The following CEP57L1 variants were observed in gnomAD, a reference collection of about 807,000 sequenced individuals.
The protein encoded by CEP57L1 is centrosomal protein CEP57L1.
A neutral mutation model predicts 61.0 loss-of-function variants in CEP57L1; 37 were observed. The observed-to-expected ratio is 0.61, with a 90% confidence interval of 0.47 to 0.80. The LOEUF (loss-of-function observed/expected upper bound fraction) is 0.80. Among genes scored for constraint, CEP57L1 ranks in the 30% least tolerant of loss-of-function variants. The pLI, the probability that CEP57L1 is intolerant of heterozygous loss-of-function variation, is 0.00. For missense variants in CEP57L1, 422 were observed against 524.7 expected (o/e 0.80, Z 1.91); for synonymous variants, 137 against 162.3 (o/e 0.84, Z 1.19).
At position 109,157,840 on chromosome 6, in the gene CEP57L1, A is replaced by G. The variant is rs370639821; in HGVS notation, c.745-1185A>G. ...ACTGACAGCAGTAGGAGAGTTTTAC[A>G]AGAGAGAAATCAGATGTGTAGATTT... is the stretch of plus-strand genomic sequence containing the variant. On this transcript the variant is annotated intron_variant, in intron 7 of 10. Coordinates refer to ENST00000517392, the MANE Select transcript of CEP57L1 (RefSeq NM_001271852.3). 23 of 152,294 alleles carry G rather than the reference A, an allele frequency of 1.5e-4. No homozygotes were observed. The East Asian group carries it at 4.4e-3, about 29-fold the overall frequency. The allele number at this position is 152,294 out of a possible 1,614,324, so 9.4% of individuals were successfully genotyped here.
At chr6:109,138,280 G>A (rs1311982826) in intron 1 of CEP57L1, among the ~76,000 whole-genome samples, 1 of 152,134 alleles carries the variant, frequency 6.6e-6, no homozygotes, top group Non-Finnish European at 1.5e-5. Context: ...TGGTTGCTGG[G>A]TGAAGAATAG....
At chr6:109,118,832 G>A (rs1772612506) in intron 1 of CEP57L1, among the ~76,000 whole-genome samples, 1 of 152,138 alleles carries the variant, frequency 6.6e-6, no homozygotes, top group Non-Finnish European at 1.5e-5. Flanking sequence ...GCTCCACATA[G>A]CTTTTAATTC....
chr6:109,159,288 C>T lies in CEP57L1; in HGVS notation c.842C>T (p.Pro281Leu), dbSNP rs764390366. The part of the protein sequence containing the change: ...VAEKMRQHRD[P>L]HILQKPFNVT... ...TTGCAGATGAGGCAACATCGTGACCCACATATCCTTCAGAAACCTTTTAAC... is the reference window on the plus strand; with the variant it reads ...TTGCAGATGAGGCAACATCGTGACCTACATATCCTTCAGAAACCTTTTAAC... Residue 281 changes from proline to leucine, a missense_variant, in exon 9 of 11, where the codon CCA (proline) becomes CTA (leucine). Physicochemically the swap from Pro to Leu is moderately conservative, Grantham distance 98. Coordinates refer to ENST00000517392, the MANE Select transcript of CEP57L1 (RefSeq NM_001271852.3). The T allele has an allele frequency of 1.2e-6, 2 of 1,614,062 alleles. No individual in the cohort carries two copies. The highest frequency in any genetic ancestry group is 1.7e-6 in the Non-Finnish European group (2 of 1,179,970).
intron 1 of CEP57L1, among the ~76,000 whole-genome samples, chr6:109,111,070 A>G (rs1047774983): frequency 6.6e-6 from 1 of 152,146 alleles, no homozygotes; most frequent in African/African-American, 2.4e-5. Context: ...AAGAAAGTCA[A>G]TGGTAGCTTG....
chr6:109,106,426 C>A (rs1461510897), intron 1 of CEP57L1, among the ~76,000 whole-genome samples: 1 of 151,978 alleles, frequency 6.6e-6, no homozygotes, highest in African/African-American at 2.4e-5. Flanking sequence ...AGTGGGTATC[C>A]TTGTTGTCAG....
intron 1 of CEP57L1, among the ~76,000 whole-genome samples, chr6:109,118,660 A>G (rs1772589897): frequency 6.6e-6 from 1 of 152,212 alleles, no homozygotes; most frequent in Non-Finnish European, 1.5e-5. Flanking sequence ...AGCTCTCAAT[A>G]CCAAGGAAAG....
rs1157205405 is a variant in CEP57L1, at chr6:109,172,106, G to A, written c.*9136G>A. On this transcript the variant is annotated 3_prime_UTR_variant, in exon 11 of 11. Transcript: ENST00000517392. ...CAGCAGCTGAAAAAAGGCACATAGG[G>A]CAAAGTCTGGGGGACACCAGGCACA... Among the ~76,000 whole-genome samples, 2 of 152,156 alleles carry A rather than the reference G, an allele frequency of 1.3e-5. No individual in the cohort carries two copies. Among genetic ancestry groups the A allele is most frequent in the African/African-American group, 4.8e-5 (2 of 41,438 alleles).
At chr6:109,121,843 G>T (rs1269066373) in intron 1 of CEP57L1, among the ~76,000 whole-genome samples, 2 of 152,066 alleles carry the variant, frequency 1.3e-5, no homozygotes, top group East Asian at 3.8e-4. Flanking sequence ...TTTTAATAGT[G>T]TCTTTGTTTT....
At position 109,170,270 on chromosome 6, in the gene CEP57L1, G is replaced by GAAT. The variant is rs1457363426; in HGVS notation, c.*7300_*7301insAAT. 6.6e-6 allele frequency among the ~76,000 whole-genome samples: 1 copy of GAAT among 152,090 alleles called. No individual in the cohort carries two copies. Among genetic ancestry groups the GAAT allele is most frequent in the Non-Finnish European group, 1.5e-5 (1 of 68,012 alleles). ...AGAAATCTTAGTCTTTAAGAACAGA[G>GAAT]GATTGTAAAGTGAGCCAGACCTTCC... On this transcript the variant is annotated 3_prime_UTR_variant, in exon 11 of 11. Coordinates refer to ENST00000517392, the MANE Select transcript of CEP57L1 (RefSeq NM_001271852.3).
At position 109,171,942 on chromosome 6, in the gene CEP57L1, C is replaced by A. The variant is rs895114735; in HGVS notation, c.*8972C>A. ...GTGTGGTGACTGTTTTTGTTGTTAA[C>A]CTTACCTCAGTGTTTTATCTCGGGT... On this transcript the variant is annotated 3_prime_UTR_variant, in exon 11 of 11. Coordinates refer to ENST00000517392, the MANE Select transcript of CEP57L1 (RefSeq NM_001271852.3). Among the ~76,000 whole-genome samples the A allele has an allele frequency of 6.6e-6, 1 of 152,108 alleles. No homozygotes were observed. Among genetic ancestry groups the A allele is most frequent in the Admixed American group, 6.5e-5 (1 of 15,270 alleles).
chr6:109,168,230 A>G lies in CEP57L1; in HGVS notation c.*5260A>G, dbSNP rs1774223398. Among the ~76,000 whole-genome samples the G allele has an allele frequency of 6.6e-6, 1 of 152,224 alleles. No homozygotes were observed. Among genetic ancestry groups the G allele is most frequent in the Admixed American group, 6.5e-5 (1 of 15,280 alleles). On this transcript the variant is annotated 3_prime_UTR_variant, in exon 11 of 11. Coordinates refer to ENST00000517392, the MANE Select transcript of CEP57L1 (RefSeq NM_001271852.3). ...ATTAGGCTTCTTGATTGAAGATACCAGTTCCTTTAGTAATTTCAAAATGCC... is the reference window on the plus strand; with the variant it reads ...ATTAGGCTTCTTGATTGAAGATACCGGTTCCTTTAGTAATTTCAAAATGCC...
chr6:109,148,669 T>C (rs1158456236), intron 3 of CEP57L1, among the ~76,000 whole-genome samples: 1 of 152,152 alleles, frequency 6.6e-6, no homozygotes. Flanking sequence ...GTATTTCTAG[T>C]TCTAGATCCC....
chr6:109,136,167 A>G (rs920859468), intron 1 of CEP57L1, among the ~76,000 whole-genome samples: 11 of 152,228 alleles, frequency 7.2e-5, no homozygotes, highest in African/African-American at 2.2e-4. Context: ...AACCAACCCA[A>G]ATGTCCCTCA....
rs1258491733 is a variant in CEP57L1 at position 109,155,385 on chromosome 6, T to C, written c.657+78T>C. On this transcript the variant is annotated intron_variant, in intron 6 of 10. Coordinates refer to ENST00000517392, the MANE Select transcript of CEP57L1 (RefSeq NM_001271852.3). ...ATTTTTATTTTCATTAACTGAAGCC[T>C]ATGTTCTAGATTCTAATTTCTGCTT... is the stretch of plus-strand genomic sequence containing the variant. The C allele has an allele frequency of 3.1e-5, 23 of 745,984 alleles. 1 individual carries two copies. In the Admixed American group the frequency reaches 7.5e-4, roughly 24 times the overall value. The allele number at this position is 745,984 out of a possible 1,614,324, so 46.2% of individuals were successfully genotyped here.
chr6:109,158,499 G>T (rs1354160175), intron 7 of CEP57L1: 7 of 384,342 alleles, frequency 1.8e-5, no homozygotes, highest in Non-Finnish European at 1.0e-5. Context: ...AAAAAAAAAA[G>T]GATATTTCGA....
rs764629952 is a variant in CEP57L1, at chr6:109,155,229, G to C, written c.580-1G>C. ...CAATCTTAGTTTTTACTCTTTTGCA[G>C]GACAAGATTAAACATTTAGAAGAAA... is the stretch of plus-strand genomic sequence containing the variant. On this transcript the variant is annotated splice_acceptor_variant, in intron 5 of 10. Coordinates refer to ENST00000517392, the MANE Select transcript of CEP57L1 (RefSeq NM_001271852.3). LOFTEE classifies it high-confidence loss of function. 2.5e-5 allele frequency: 39 copies of C among 1,553,952 alleles called. 2 individuals carry two copies. The South Asian group carries it at 4.7e-4, about 19-fold the overall frequency.
At chr6:109,104,529 C>T (rs1770685674) in intron 1 of CEP57L1, among the ~76,000 whole-genome samples, 1 of 152,138 alleles carries the variant, frequency 6.6e-6, no homozygotes, top group Non-Finnish European at 1.5e-5. Flanking sequence ...CATTTCCCCA[C>T]ATCCTTGACA....
chr6:109,161,915 C>G (rs763524107), intron 10 of CEP57L1, among the ~76,000 whole-genome samples: 1 of 152,032 alleles, frequency 6.6e-6, no homozygotes. Flanking sequence ...CCCCCAAAGT[C>G]TGGATCAGCT....
At chr6:109,139,004 C>T (rs569438780) in intron 1 of CEP57L1, among the ~76,000 whole-genome samples, 6 of 152,256 alleles carry the variant, frequency 3.9e-5, no homozygotes, top group African/African-American at 1.4e-4. Flanking sequence ...TGAAAGAAAG[C>T]ACTTTACAGC....
Sources: gnomAD v4.1 joint callset for allele counts (sites outside exome capture counted in the v4.1 genomes callset) on GRCh38, gnomAD v4.1.1 for gene constraint, MANE v1.5 for transcripts, NCBI Gene and HGNC (gene_info 2026-07-23, HGNC 2026-07-21) for gene names.